Variants in SLC16A2 observed in about 807,000 individuals in gnomAD.
SLC16A2 encodes solute carrier family 16 member 2.
A neutral mutation model predicts 27.2 loss-of-function variants in SLC16A2; 3 were observed. The ratio of observed to expected loss-of-function variants is 0.11; its 90% CI spans 0.05 to 0.28. The LOEUF (loss-of-function observed/expected upper bound fraction) is 0.28, where lower values mean the gene tolerates loss of function less well. Among genes scored for constraint, SLC16A2 ranks in the 10% least tolerant of loss-of-function variants. The pLI, the probability that SLC16A2 is intolerant of heterozygous loss-of-function variation, is 1.00. For synonymous variants in SLC16A2, 202 were observed against 187.8 expected (o/e 1.08, Z -0.62); for missense variants, 295 against 458.5 (o/e 0.64, Z 3.26).
intron 1 of SLC16A2, among the ~76,000 whole-genome samples, chrX:74,459,475 A>G (rs1929097787): frequency 9.3e-6 from 1 of 107,809 alleles, no homozygotes; most frequent in Non-Finnish European, 1.9e-5. Context: ...TGAAGGACAG[A>G]GTTTGAGTTC....
At chrX:74,498,945 T>C (rs1161098046) in intron 1 of SLC16A2, among the ~76,000 whole-genome samples, 1 of 111,938 alleles carries the variant, frequency 8.9e-6, no homozygotes, top group African/African-American at 3.3e-5. Flanking sequence ...TGGAATACAG[T>C]GGGTCTCCAG....
At chrX:74,443,140 G>A (rs930809932) in intron 1 of SLC16A2, among the ~76,000 whole-genome samples, 4 of 111,398 alleles carry the variant, frequency 3.6e-5, no homozygotes, top group Non-Finnish European at 7.5e-5. Context: ...ATAGCTTTAT[G>A]AGGGGATATT....
intron 1 of SLC16A2, among the ~76,000 whole-genome samples, chrX:74,428,557 T>C (rs1928462236): frequency 9.0e-6 from 1 of 111,336 alleles, no homozygotes; most frequent in African/African-American, 3.3e-5. Flanking sequence ...GTTTGGGATG[T>C]TGTATAGGCC....
intron 1 of SLC16A2, among the ~76,000 whole-genome samples, chrX:74,432,143 G>A (rs1361621224): frequency 9.0e-6 from 1 of 111,496 alleles, no homozygotes; most frequent in Non-Finnish European, 1.9e-5. Flanking sequence ...GAGTTGCTAC[G>A]GGTTGGGGGC....
In SLC16A2 at chrX:74,525,840, G is replaced by A. The variant is rs201039304; in HGVS notation, c.1117G>A (p.Val373Met). The change falls in exon 4 of 6, where the codon GTG becomes ATG. Residue 373 changes from valine to methionine, a missense_variant. This residue lies in a region of SLC16A2 where 144 missense variants were observed against 219.8 expected (regional missense o/e 0.66). Transcript: ENST00000587091. ...IGATSGLGRL[V>M]SGHISDSIPG... ...GGCTACCTCAGGCCTTGGGCGTCTTGTGTCAGGCCACATCAGTGACTCCAT... is the reference window on the plus strand; with the variant it reads ...GGCTACCTCAGGCCTTGGGCGTCTTATGTCAGGCCACATCAGTGACTCCAT... The A allele has an allele frequency of 9.7e-5, 117 of 1,209,965 alleles. No homozygotes were observed. Among genetic ancestry groups the A allele is most frequent in the Non-Finnish European group, 1.3e-4 (112 of 895,255 alleles).
rs776083264 is a variant in SLC16A2, at chrX:74,533,336, A to C, written c.*1783A>C. ...GCTGGTCCCAGTCCAGCTCTTATCAACTCCCCAAAGGAAAACCCACTGGTT... is the reference window on the plus strand; with the variant it reads ...GCTGGTCCCAGTCCAGCTCTTATCACCTCCCCAAAGGAAAACCCACTGGTT... On this transcript the variant is annotated 3_prime_UTR_variant, in exon 6 of 6. Coordinates refer to ENST00000587091, the MANE Select transcript of SLC16A2 (RefSeq NM_006517.5). 1.8e-5 allele frequency: 2 copies of C among 111,124 alleles called. No homozygotes were observed. The highest frequency in any genetic ancestry group is 6.6e-5 in the African/African-American group (2 of 30,469). The allele number at this position is 111,124 out of a possible 1,213,427, so 9.2% of individuals were successfully genotyped here. A position where few individuals can be genotyped will look rare whatever the true frequency, so the allele number is the denominator to read the frequency against.
At chrX:74,504,313 C>T (rs987541818) in intron 1 of SLC16A2, among the ~76,000 whole-genome samples, 1 of 110,178 alleles carries the variant, frequency 9.1e-6, no homozygotes, top group African/African-American at 3.3e-5. Context: ...TCCCTTCCCA[C>T]CCACCCATCT....
chrX:74,522,262 T>C (rs1313778417), intron 2 of SLC16A2, among the ~76,000 whole-genome samples: 1 of 112,205 alleles, frequency 8.9e-6, no homozygotes, highest in East Asian at 2.8e-4. Flanking sequence ...ATGATAATTG[T>C]GTTTTGCCTT....
At chrX:74,530,004 A>G (rs1930542013) in intron 5 of SLC16A2, among the ~76,000 whole-genome samples, 1 of 107,105 alleles carries the variant, frequency 9.3e-6, no homozygotes, top group African/African-American at 3.4e-5. Flanking sequence ...TTCTCCCTCC[A>G]TTTTCCCAGA....
At chrX:74,484,982 C>T (rs943208706) in intron 1 of SLC16A2, among the ~76,000 whole-genome samples, 1 of 111,406 alleles carries the variant, frequency 9.0e-6, no homozygotes, top group African/African-American at 3.3e-5. Flanking sequence ...TTTGGGAGGC[C>T]GAGGAGAGCA....
chrX:74,485,391 A>G (rs1022540039), intron 1 of SLC16A2, among the ~76,000 whole-genome samples: 1 of 110,369 alleles, frequency 9.1e-6, no homozygotes, highest in African/African-American at 3.3e-5. Flanking sequence ...ACTTAAATAT[A>G]TATAGATATC....
At chrX:74,425,447 A>G (rs1285264124) in intron 1 of SLC16A2, among the ~76,000 whole-genome samples, 1 of 110,880 alleles carries the variant, frequency 9.0e-6, no homozygotes, top group East Asian at 2.8e-4. Context: ...AAAAGGAAAA[A>G]GATCAGGAGG....
intron 1 of SLC16A2, among the ~76,000 whole-genome samples, chrX:74,493,917 C>T (rs141414587): frequency 9.0e-5 from 10 of 111,610 alleles, no homozygotes; most frequent in Admixed American, 6.7e-4. Context: ...GACTCTCAGG[C>T]GGGAACAAGC....
chrX:74,436,622 G>A (rs1928636700), intron 1 of SLC16A2, among the ~76,000 whole-genome samples: 1 of 112,185 alleles, frequency 8.9e-6, no homozygotes, highest in Admixed American at 9.5e-5. Context: ...GCTTAGAACA[G>A]TGCCTGGCAT....
intron 1 of SLC16A2, among the ~76,000 whole-genome samples, chrX:74,493,887 A>C (rs954896444): frequency 4.5e-5 from 5 of 111,351 alleles, no homozygotes; most frequent in African/African-American, 1.6e-4. Flanking sequence ...CCCCATTCCC[A>C]TCCCCCCAGC....
chrX:74,505,706 G>C (rs891669072), intron 1 of SLC16A2, among the ~76,000 whole-genome samples: 3 of 112,072 alleles, frequency 2.7e-5, no homozygotes, highest in African/African-American at 9.7e-5. Flanking sequence ...CTTGTCATCT[G>C]CCCCAGACCA....
At position 74,439,158 on chromosome X, in the gene SLC16A2, C is replaced by CTCTTTCTT. The variant is rs765500073; in HGVS notation, c.430+17113_430+17120dup. 4.0e-4 allele frequency among the ~76,000 whole-genome samples: 25 copies of CTCTTTCTT among 62,219 alleles called. 1 individual carries two copies. The highest frequency in any genetic ancestry group is 1.5e-3 in the African/African-American group (19 of 12,669). The allele number at this position is 62,219 out of a possible 115,157, so 54.0% of individuals were successfully genotyped here. ...CTCTCTCTCTCTCTGGCTTGCTCAACTCTTTCTTTCTTTCTTTCTTTCTTT... is the reference window on the plus strand; with the variant it reads ...CTCTCTCTCTCTCTGGCTTGCTCAACTCTTTCTTTCTTTCTTTCTTTCTTTCTTTCTTT... On this transcript the variant is annotated intron_variant, in intron 1 of 5. Transcript: ENST00000587091.
At chrX:74,434,518 A>G (rs1309064948) in intron 1 of SLC16A2, among the ~76,000 whole-genome samples, 1 of 110,662 alleles carries the variant, frequency 9.0e-6, no homozygotes, top group East Asian at 2.9e-4. Flanking sequence ...TACTGAGGAC[A>G]TTTGGGGAAA....
At chrX:74,460,673 C>T (rs1031717489) in intron 1 of SLC16A2, among the ~76,000 whole-genome samples, 13 of 111,365 alleles carry the variant, frequency 1.2e-4, no homozygotes, top group East Asian at 2.8e-4. Context: ...TTTTTTGAGA[C>T]GGAGTCTTGC....
Sources: gnomAD v4.1 joint callset for allele counts (sites outside exome capture counted in the v4.1 genomes callset) on GRCh38, gnomAD v4.1.1 for gene constraint, gnomAD v4.1.1 regional missense constraint, MANE v1.5 for transcripts, NCBI Gene and HGNC (gene_info 2026-07-23, HGNC 2026-07-21) for gene names.